Variants in TOX observed in about 807,000 individuals in gnomAD.
TOX encodes the protein thymocyte selection associated high mobility group box.
A neutral mutation model predicts 53.7 loss-of-function variants in TOX; 11 were observed. The observed-to-expected ratio is 0.20, with a 90% CI of 0.13 to 0.34. The LOEUF (loss-of-function observed/expected upper bound fraction) is 0.34, where lower values mean the gene tolerates loss of function less well. Ranked by LOEUF, TOX falls within the 10% of genes least tolerant of loss-of-function variation. TOX has a pLI of 1.00. For synonymous variants in TOX, 225 were observed against 245.3 expected (o/e 0.92, Z 0.77); for missense variants, 570 against 664.6 (o/e 0.86, Z 1.56).
At chr8:59,052,015 T>C (rs1450417065) in intron 1 of TOX, among the ~76,000 whole-genome samples, 3 of 152,182 alleles carry the variant, frequency 2.0e-5, no homozygotes, top group Non-Finnish European at 4.4e-5. Context: ...CTGTTAAGAA[T>C]TTATATATGA....
chr8:58,867,806 C>CA (rs1811129160), intron 3 of TOX, among the ~76,000 whole-genome samples: 2 of 152,238 alleles, frequency 1.3e-5, no homozygotes, highest in African/African-American at 4.8e-5. Flanking sequence ...TGAGGGCTGG[C>CA]TTTTTTGCTT....
intron 1 of TOX, among the ~76,000 whole-genome samples, chr8:59,106,612 C>T (rs1804908446): frequency 6.6e-6 from 1 of 152,134 alleles, no homozygotes; most frequent in Non-Finnish European, 1.5e-5. Flanking sequence ...GCACGGCTGA[C>T]CTGCAGAGAT....
chr8:58,975,900 C>T (rs772383608), intron 1 of TOX, among the ~76,000 whole-genome samples: 11 of 152,160 alleles, frequency 7.2e-5, no homozygotes, highest in Non-Finnish European at 1.5e-5. Context: ...GGTGAAACCC[C>T]GTCTCTACTA....
chr8:58,986,203 C>T (rs934482404), intron 1 of TOX, among the ~76,000 whole-genome samples: 5 of 152,110 alleles, frequency 3.3e-5, no homozygotes, highest in Admixed American at 6.5e-5. Context: ...CTCATGGTTC[C>T]ACTAATCACA....
intron 3 of TOX, among the ~76,000 whole-genome samples, chr8:58,892,453 C>T (rs971937970): frequency 6.6e-6 from 1 of 152,084 alleles, no homozygotes; most frequent in African/African-American, 2.4e-5. Flanking sequence ...TAAACCTGAA[C>T]TGCCCTGATT....
At chr8:58,956,475 T>G (rs926622982) in intron 2 of TOX, among the ~76,000 whole-genome samples, 1 of 152,218 alleles carries the variant, frequency 6.6e-6, no homozygotes, top group Admixed American at 6.5e-5. Context: ...ATGATATACA[T>G]ATAGATAATA....
At chr8:59,002,047 TCA>T (rs1813698400) in intron 1 of TOX, among the ~76,000 whole-genome samples, 1 of 145,432 alleles carries the variant, frequency 6.9e-6, no homozygotes, top group Non-Finnish European at 1.5e-5. Context: ...CAATGTCGAC[TCA>T]CTGCAACCTC....
chr8:59,097,403 C>T (rs1217947429), intron 1 of TOX, among the ~76,000 whole-genome samples: 2 of 152,154 alleles, frequency 1.3e-5, no homozygotes, highest in Admixed American at 6.6e-5. Context: ...GAACACTTCT[C>T]ATCCAGGAAG....
At chr8:58,955,077 C>G (rs1812688038) in intron 2 of TOX, among the ~76,000 whole-genome samples, 1 of 152,174 alleles carries the variant, frequency 6.6e-6, no homozygotes, top group African/African-American at 2.4e-5. Flanking sequence ...TCAAAATGTA[C>G]TTTAGGAACT....
At chr8:58,963,533 A>G (rs1041004868) in intron 1 of TOX, among the ~76,000 whole-genome samples, 19 of 152,204 alleles carry the variant, frequency 1.2e-4, no homozygotes, top group Admixed American at 1.3e-4. Context: ...CTTGCTTTCT[A>G]GAGGAGAAGA....
intron 3 of TOX, among the ~76,000 whole-genome samples, chr8:58,938,374 T>C (rs1363156704): frequency 6.6e-6 from 1 of 152,146 alleles, no homozygotes; most frequent in Non-Finnish European, 1.5e-5. Context: ...CTTATGAAAA[T>C]GACAAGAGAG....
At chr8:59,075,779 A>G (rs763676860) in intron 1 of TOX, among the ~76,000 whole-genome samples, 2 of 152,118 alleles carry the variant, frequency 1.3e-5, no homozygotes, top group Non-Finnish European at 2.9e-5. Flanking sequence ...AAAGCAAGGA[A>G]GGTGGAGTCA....
chr8:58,893,084 T>C (rs1811584601), intron 3 of TOX, among the ~76,000 whole-genome samples: 1 of 152,234 alleles, frequency 6.6e-6, no homozygotes, highest in South Asian at 2.1e-4. Flanking sequence ...TGGTTTATTT[T>C]GCTCCAATTG....
intron 6 of TOX, among the ~76,000 whole-genome samples, chr8:58,825,396 C>T (rs746432011): frequency 3.3e-5 from 5 of 152,234 alleles, no homozygotes; most frequent in Middle Eastern, 3.4e-3. Context: ...TACAAATTGC[C>T]GTACACTGCG....
intron 2 of TOX, among the ~76,000 whole-genome samples, chr8:58,951,312 A>T (rs1812616209): frequency 6.6e-6 from 1 of 152,184 alleles, no homozygotes. Context: ...CTTGTCAGAA[A>T]CAGGTAGCTT....
chr8:59,118,786 C>G lies in TOX; in HGVS notation c.102+100G>C. On this transcript the variant is annotated intron_variant, in intron 1 of 8. Transcript: ENST00000361421. This position sits in a 1 kb window ranked among gnomAD's most constrained non-coding sequence, Gnocchi z 4.1. ...GCTGCGAGCCGAGCGCGCCCGGGAC[C>G]GGCCTCCGCCAAGCCGGCCCCGCCG... 2 of 810,630 alleles carry G rather than the reference C, an allele frequency of 2.5e-6. No homozygotes were observed. Among genetic ancestry groups the G allele is most frequent in the Admixed American group, 4.0e-5 (1 of 24,956 alleles). 50.2% of individuals were successfully genotyped at this position (810,630 alleles called of 1,614,324 possible).
At chr8:59,009,020 T>C (rs1813846826) in intron 1 of TOX, among the ~76,000 whole-genome samples, 1 of 152,100 alleles carries the variant, frequency 6.6e-6, no homozygotes, top group Non-Finnish European at 1.5e-5. Flanking sequence ...ATCTGTCCCC[T>C]CATTCCTTCT....
chr8:58,997,386 C>T (rs745913759), intron 1 of TOX, among the ~76,000 whole-genome samples: 1 of 152,210 alleles, frequency 6.6e-6, no homozygotes, highest in South Asian at 2.1e-4. Context: ...TATTTACGTG[C>T]ACTTGCGTCT....
intron 5 of TOX, among the ~76,000 whole-genome samples, chr8:58,831,321 G>A (rs1316751417): frequency 2.0e-5 from 3 of 152,112 alleles, no homozygotes; most frequent in African/African-American, 7.2e-5. Flanking sequence ...TCTATTGAGT[G>A]CCCAGTATGT....
Sources: gnomAD v4.1 joint callset for allele counts (sites outside exome capture counted in the v4.1 genomes callset) on GRCh38, gnomAD v4.1.1 for gene constraint, Gnocchi (gnomAD v3.1) non-coding constraint, MANE v1.5 for transcripts, NCBI Gene and HGNC (gene_info 2026-07-23, HGNC 2026-07-21) for gene names.